Variants in CERS6 observed in about 807,000 individuals in gnomAD.
CERS6 encodes the protein ceramide synthase 6.
In CERS6, 26 loss-of-function variants were observed where a neutral mutation model predicts 56.8. That is an observed-to-expected ratio of 0.46 (90% CI 0.34 to 0.63). The LOEUF (loss-of-function observed/expected upper bound fraction) is 0.63, where lower values mean the gene tolerates loss of function less well. Among genes scored for constraint, CERS6 ranks in the 30% least tolerant of loss-of-function variants. The pLI is 0.01. For missense variants in CERS6, 415 were observed against 467.5 expected (o/e 0.89, Z 1.04); for synonymous variants, 164 against 173.3 (o/e 0.95, Z 0.42).
At chr2:168,479,405 C>A (rs1301695361) in intron 1 of CERS6, among the ~76,000 whole-genome samples, 1 of 152,036 alleles carries the variant, frequency 6.6e-6, no homozygotes, top group Admixed American at 6.6e-5. Context: ...GTTTAAATTA[C>A]AGACTTTATT....
At chr2:168,720,734 A>G (rs1687343619) in intron 8 of CERS6, among the ~76,000 whole-genome samples, 1 of 152,208 alleles carries the variant, frequency 6.6e-6, no homozygotes, top group Non-Finnish European at 1.5e-5. Flanking sequence ...CTATGTAAGT[A>G]TTGGCTTGTT....
chr2:168,507,225 T>C (rs1422713582), intron 1 of CERS6, among the ~76,000 whole-genome samples: 1 of 152,186 alleles, frequency 6.6e-6, no homozygotes, highest in African/African-American at 2.4e-5. Context: ...CATTGGTACA[T>C]CACTGTCATT....
At chr2:168,755,988 G>C (rs904620535) in intron 8 of CERS6, among the ~76,000 whole-genome samples, 1 of 152,206 alleles carries the variant, frequency 6.6e-6, no homozygotes, top group East Asian at 1.9e-4. Flanking sequence ...AGGAGAAAAA[G>C]GTAAGGAAGC....
At chr2:168,517,522 TAATAA>T (rs1553486944) in intron 1 of CERS6, among the ~76,000 whole-genome samples, 24 of 149,904 alleles carry the variant, frequency 1.6e-4, no homozygotes, top group African/African-American at 3.5e-4. Flanking sequence ...AATAAATAAA[TAATAA>T]AATAAAATAA....
At chr2:168,712,970 C>T (rs967638338) in intron 6 of CERS6, among the ~76,000 whole-genome samples, 2 of 152,070 alleles carry the variant, frequency 1.3e-5, no homozygotes, top group Admixed American at 6.6e-5. Context: ...CTCATGATTG[C>T]TTCTTTTTCC....
intron 3 of CERS6, among the ~76,000 whole-genome samples, chr2:168,585,570 T>C (rs1015313024): frequency 2.0e-5 from 3 of 152,224 alleles, no homozygotes; most frequent in Non-Finnish European, 4.4e-5. Flanking sequence ...AGGCAGGTCA[T>C]ATAGGGAAAG....
At chr2:168,462,345 C>CT (rs1378010730) in intron 1 of CERS6, among the ~76,000 whole-genome samples, 1 of 151,982 alleles carries the variant, frequency 6.6e-6, no homozygotes, top group Non-Finnish European at 1.5e-5. Context: ...ACAGGATTGC[C>CT]TCGTATAGCA....
chr2:168,657,484 C>T (rs986684792), intron 4 of CERS6, among the ~76,000 whole-genome samples: 19 of 152,366 alleles, frequency 1.2e-4, no homozygotes, highest in Admixed American at 4.6e-4. Context: ...CGCCGTGGAG[C>T]AGGGGGTGGA....
intron 4 of CERS6, among the ~76,000 whole-genome samples, chr2:168,678,315 G>A (rs1001277225): frequency 3.3e-5 from 5 of 152,160 alleles, no homozygotes; most frequent in Admixed American, 3.3e-4. Context: ...GCCTACGGGA[G>A]CTAGATTCCT....
At chr2:168,566,924 A>C (rs908268417) in intron 3 of CERS6, among the ~76,000 whole-genome samples, 1 of 152,196 alleles carries the variant, frequency 6.6e-6, no homozygotes, top group African/African-American at 2.4e-5. Flanking sequence ...CCATGACATG[A>C]GCATCAGTTA....
rs569558481 is a variant in CERS6, at chr2:168,463,559, A to G, written c.170+6941A>G. ...GATACAAATTGCCAAATTGTTGTCC[A>G]GAAAGATTATACCCATTCGTATTTC... On this transcript the variant is annotated intron_variant, in intron 1 of 9. Transcript: ENST00000305747. Among the ~76,000 whole-genome samples, 10 of 152,332 alleles carry G rather than the reference A, an allele frequency of 6.6e-5. No individual in the cohort carries two copies. The South Asian group carries it at 1.5e-3, about 22-fold the overall frequency.
At chr2:168,648,333 G>A (rs571404178) in intron 4 of CERS6, among the ~76,000 whole-genome samples, 1 of 151,956 alleles carries the variant, frequency 6.6e-6, no homozygotes, top group East Asian at 1.9e-4. Context: ...AGTTTCTGAT[G>A]GTTATTTTTA....
chr2:168,495,150 A>G lies in CERS6; in HGVS notation c.170+38532A>G, dbSNP rs553642044. Among the ~76,000 whole-genome samples the G allele has an allele frequency of 4.1e-4, 63 of 152,294 alleles. 1 individual carries two copies. The highest frequency in any genetic ancestry group is 1.5e-3 in the African/African-American group (62 of 41,564). The stretch of plus-strand genomic sequence containing the variant: ...ATTGGGAACATATTAACCAAGAAAC[A>G]TAGCTTTATACTTGTGATAGTCTGA... On this transcript the variant is annotated intron_variant, in intron 1 of 9. Coordinates refer to ENST00000305747, the MANE Select transcript of CERS6 (RefSeq NM_203463.3).
At chr2:168,757,975 T>C (rs184954174) in intron 8 of CERS6, among the ~76,000 whole-genome samples, 4 of 152,308 alleles carry the variant, frequency 2.6e-5, no homozygotes, top group Admixed American at 2.6e-4. Flanking sequence ...CCTGGAGCTT[T>C]TATTACCTTA....
chr2:168,736,620 G>T (rs1375092589), intron 8 of CERS6, among the ~76,000 whole-genome samples: 1 of 152,208 alleles, frequency 6.6e-6, no homozygotes, highest in African/African-American at 2.4e-5. Flanking sequence ...CTTAGATAAG[G>T]GTACCTATGT....
chr2:168,574,783 A>G (rs946258750), intron 3 of CERS6, among the ~76,000 whole-genome samples: 5 of 152,244 alleles, frequency 3.3e-5, no homozygotes, highest in African/African-American at 1.2e-4. Flanking sequence ...ACTCTTGGGT[A>G]TACATTAGTA....
At chr2:168,632,132 A>G (rs1056648551) in intron 4 of CERS6, among the ~76,000 whole-genome samples, 2 of 151,788 alleles carry the variant, frequency 1.3e-5, no homozygotes, top group Non-Finnish European at 2.9e-5. Flanking sequence ...GACTCCTTAA[A>G]TAAAACCCTG....
At chr2:168,754,476 A>G (rs1294957803) in intron 8 of CERS6, among the ~76,000 whole-genome samples, 2 of 152,212 alleles carry the variant, frequency 1.3e-5, no homozygotes, top group African/African-American at 4.8e-5. Context: ...CCAGGCCTGC[A>G]GTGCAGATGA....
intron 1 of CERS6, among the ~76,000 whole-genome samples, chr2:168,535,378 T>A (rs1414379319): frequency 6.6e-6 from 1 of 152,202 alleles, no homozygotes; most frequent in Non-Finnish European, 1.5e-5. Context: ...GTTGCACCAT[T>A]CCGTGGAAAA....
Sources: gnomAD v4.1 joint callset for allele counts (sites outside exome capture counted in the v4.1 genomes callset) on GRCh38, gnomAD v4.1.1 for gene constraint, MANE v1.5 for transcripts, NCBI Gene and HGNC (gene_info 2026-07-23, HGNC 2026-07-21) for gene names.